Variants in BTD observed in about 807,000 individuals in gnomAD.
BTD encodes the protein biotinidase, also known as biocytinase.
Under a neutral mutation model 17.7 loss-of-function variants are expected in BTD, and 13 were observed. That is an observed-to-expected ratio of 0.74 (90% CI 0.48 to 1.17). The LOEUF is 1.17. Ranked by LOEUF, BTD falls within the 50% of genes most tolerant of loss-of-function variation. BTD has a pLI of 0.00. For synonymous variants in BTD, 240 were observed against 245.2 expected (o/e 0.98, Z 0.20); for missense variants, 674 against 650.4 (o/e 1.04, Z -0.39).
At chr3:15,714,843 T>C (rs1219105820), downstream of BTD, among the ~76,000 whole-genome samples, 1 of 152,176 alleles carries the variant, frequency 6.6e-6, no homozygotes, top group Non-Finnish European at 1.5e-5. Flanking sequence ...ACGTGTATCA[T>C]AAAACACAAA....
intron 3 of BTD, among the ~76,000 whole-genome samples, chr3:15,686,974 C>T (rs1216901980): frequency 6.0e-5 from 9 of 149,476 alleles, no homozygotes; most frequent in African/African-American, 2.0e-4. Context: ...GACAGAATCT[C>T]GCTCTGTCGC....
downstream of BTD, among the ~76,000 whole-genome samples, chr3:15,657,119 T>A (rs961109021): frequency 1.3e-5 from 2 of 152,194 alleles, no homozygotes; most frequent in African/African-American, 2.4e-5. Flanking sequence ...CATCTCAGGT[T>A]TCCCAGACAG....
intron 3 of BTD, among the ~76,000 whole-genome samples, chr3:15,664,657 A>G (rs2065959483): frequency 6.6e-6 from 1 of 152,156 alleles, no homozygotes; most frequent in Non-Finnish European, 1.5e-5. Flanking sequence ...CACTGACATC[A>G]TTTAGCAAAA....
At chr3:15,720,456 A>C (rs748469699) in intron 4 of BTD, among the ~76,000 whole-genome samples, 8 of 152,214 alleles carry the variant, frequency 5.3e-5, no homozygotes, top group Non-Finnish European at 1.2e-4. Context: ...ACCTCTAAAC[A>C]CAACATTAAC....
At chr3:15,658,192 A>G (rs1273872966), downstream of BTD, among the ~76,000 whole-genome samples, 1 of 151,824 alleles carries the variant, frequency 6.6e-6, no homozygotes, top group Non-Finnish European at 1.5e-5. Flanking sequence ...AGAAAGAAAG[A>G]AAAAGGAAAT....
intron 3 of BTD, among the ~76,000 whole-genome samples, chr3:15,680,210 A>G (rs2067394633): frequency 6.8e-6 from 1 of 148,084 alleles, no homozygotes; most frequent in Non-Finnish European, 1.5e-5. Flanking sequence ...ATGAAATATT[A>G]TTATTATTAT....
intron 3 of BTD, chr3:15,678,423 A>C (rs551351650): frequency 7.0e-7 from 1 of 1,427,248 alleles, no homozygotes; most frequent in African/African-American, 1.4e-5. Context: ...AATATTCTTT[A>C]ATTTGTGACA....
chr3:15,629,204 A>G (rs2065142754), intron 1 of BTD, among the ~76,000 whole-genome samples: 1 of 151,988 alleles, frequency 6.6e-6, no homozygotes, highest in African/African-American at 2.4e-5. Flanking sequence ...TAAGGGAACA[A>G]TAGGAGTCAG....
At position 15,645,312 on chromosome 3, in the gene BTD, C is replaced by T. The variant is rs2125506331; in HGVS notation, c.1396C>T (p.Leu466=). ...GGCCACGGGGATATTTGAGTTTCAC[C>T]TGTGGGGCAACTTCAGTACTTCCTA... ...TEATGIFEFH[L]WGNFSTSYIF... is the part of the protein sequence containing the mutation. Residue 466 remains leucine (L), a synonymous_variant, in exon 4 of 4, where the codon CTG becomes TTG. Transcript: ENST00000643237. The T allele has an allele frequency of 5.0e-6, 8 of 1,614,218 alleles. No homozygotes were observed. Among genetic ancestry groups the T allele is most frequent in the Non-Finnish European group, 6.8e-6 (8 of 1,180,046 alleles).
chr3:15,645,639 G>A lies in BTD; in HGVS notation c.*151G>A. ...TTCCACCCTGGGAACTGTGGAAAAAGTAGGAGAGGCAGATTCCCTCAGTGT... is the reference window on the plus strand; with the variant it reads ...TTCCACCCTGGGAACTGTGGAAAAAATAGGAGAGGCAGATTCCCTCAGTGT... On this transcript the variant is annotated 3_prime_UTR_variant, in exon 4 of 4. Coordinates refer to ENST00000643237, the MANE Select transcript of BTD (RefSeq NM_001370658.1). 1 of 816,558 alleles carries A rather than the reference G, an allele frequency of 1.2e-6. No individual in the cohort carries two copies. Among genetic ancestry groups the A allele is most frequent in the Non-Finnish European group, 1.9e-6 (1 of 528,620 alleles). The allele number at this position is 816,558 out of a possible 1,614,324, so 50.6% of individuals were successfully genotyped here.
rs1006442623 is a variant in BTD at position 15,647,837 on chromosome 3, C to T, written c.*2349C>T. On this transcript the variant is annotated 3_prime_UTR_variant, in exon 4 of 4. Coordinates refer to ENST00000643237, the MANE Select transcript of BTD (RefSeq NM_001370658.1). ...GTGCTTTTCTGTGGTTTTTCTCACA[C>T]GGGAAGTGAGAGGCACAGTGAGCTG... is the stretch of plus-strand genomic sequence containing the variant. Among the ~76,000 whole-genome samples, 1 of 152,128 alleles carries T rather than the reference C, an allele frequency of 6.6e-6. No homozygotes were observed. The highest frequency in any genetic ancestry group is 2.4e-5 in the African/African-American group (1 of 41,410).
intron 3 of BTD, chr3:15,708,189 T>C: frequency 2.7e-6 from 3 of 1,094,944 alleles, no homozygotes; most frequent in Non-Finnish European, 2.6e-6. Flanking sequence ...TAGACTACCA[T>C]ATACTAAGTC....
intron 3 of BTD, among the ~76,000 whole-genome samples, chr3:15,682,570 C>T (rs1020375138): frequency 1.3e-5 from 2 of 152,150 alleles, no homozygotes; most frequent in African/African-American, 4.8e-5. Flanking sequence ...TTCTTAAGTT[C>T]TGTGATTGAA....
intron 3 of BTD, among the ~76,000 whole-genome samples, chr3:15,702,351 G>GT (rs376150962): frequency 6.6e-6 from 1 of 152,154 alleles, no homozygotes; most frequent in African/African-American, 2.4e-5. Context: ...TCATTAGAGG[G>GT]TGGGGGCAGA....
At chr3:15,686,176 C>T (rs368153983) in intron 3 of BTD, 185 of 1,593,690 alleles carry the variant, frequency 1.2e-4, no homozygotes, top group Admixed American at 1.6e-4. Context: ...CTCTGGTTTT[C>T]GAAATACGCC....
Position 15,635,744 on chromosome 3 carries a change from C to G in BTD, c.249+56C>G. 6.2e-7 allele frequency: 1 copy of G among 1,610,546 alleles called. No homozygotes were observed. Among genetic ancestry groups the G allele is most frequent in the African/African-American group, 1.3e-5 (1 of 74,972 alleles). On this transcript the variant is annotated intron_variant, in intron 2 of 3. Coordinates refer to ENST00000643237, the MANE Select transcript of BTD (RefSeq NM_001370658.1). This position sits in a 1 kb window ranked among gnomAD's most constrained non-coding sequence, Gnocchi z 4.1. ...CTCATACAGAGCAGATTGCTCTTTA[C>G]CCCTTGATCAGTGGTTGGGTAATCC...
At chr3:15,695,197 A>T in intron 3 of BTD, 1 of 1,595,122 alleles carries the variant, frequency 6.3e-7, no homozygotes, top group Non-Finnish European at 8.6e-7. Context: ...CAACATCTAG[A>T]GGAGTTTCAC....
At chr3:15,711,092 C>T in exon 4 of BTD, 4 of 829,720 alleles carry the variant, frequency 4.8e-6, no homozygotes, top group South Asian at 2.2e-5. Context: ...TCCCAAACAA[C>T]TCCTGTTTTG....
intron 3 of BTD, chr3:15,670,236 G>A (rs1386645388): frequency 2.5e-6 from 4 of 1,601,720 alleles, no homozygotes; most frequent in Non-Finnish European, 2.6e-6. Flanking sequence ...ACAGTTTGAA[G>A]CTTTACTGTG....
Sources: allele counts gnomAD v4.1 joint callset (sites outside exome capture counted in the v4.1 genomes callset), GRCh38; gene constraint gnomAD v4.1.1; non-coding constraint Gnocchi (gnomAD v3.1); transcripts MANE v1.5; gene names NCBI Gene and HGNC (gene_info 2026-07-23, HGNC 2026-07-21).